Variants in HMX3 observed in about 807,000 individuals in gnomAD.
HMX3 encodes the protein H6 family homeobox 3.
In HMX3, 8 loss-of-function variants were observed where a neutral mutation model predicts 22.8. The ratio of observed to expected loss-of-function variants is 0.35; its 90% CI spans 0.21 to 0.63. HMX3 has a LOEUF of 0.63. HMX3 is among the 30% of genes least tolerant of loss of function. The pLI is 0.72. For synonymous variants in HMX3, 331 were observed against 250.9 expected, an observed-to-expected ratio of 1.32 and a Z score of -3.02; for missense variants, 527 against 520.6, an observed-to-expected ratio of 1.01 and a Z score of -0.12.
rs543178025 is a variant in HMX3, at chr10:123,137,810, C to G, written c.*79C>G. ...GGAGACTGGGCCGGGCCGAGGGCGCCGAGAAGTCCAGCGGCCTTCAGGAAC... is the reference window on the plus strand; with the variant it reads ...GGAGACTGGGCCGGGCCGAGGGCGCGGAGAAGTCCAGCGGCCTTCAGGAAC... On this transcript the variant is annotated 3_prime_UTR_variant, in exon 2 of 2. Coordinates refer to ENST00000357878, the MANE Select transcript of HMX3 (RefSeq NM_001105574.2). This position sits in a 1 kb window ranked among gnomAD's most constrained non-coding sequence, Gnocchi z 5.8. The G allele has an allele frequency of 5.8e-5, 67 of 1,149,216 alleles. 1 individual carries two copies. Among genetic ancestry groups the G allele is most frequent in the Non-Finnish European group, 7.3e-5 (63 of 862,370 alleles). The allele number at this position is 1,149,216 out of a possible 1,614,324, so 71.2% of individuals were successfully genotyped here. A position where few individuals can be genotyped will look rare whatever the true frequency, so the allele number is the denominator to read the frequency against.
At position 123,137,557 on chromosome 10, in the gene HMX3, G is replaced by T. The variant is rs765371717; in HGVS notation, c.900G>T (p.Ala300=). ...LEAANLSHAA[A]QRIVRVPILY... is the part of the protein sequence containing the mutation. ...CGGCCAACCTGAGCCATGCCGCGGCGCAGCGCATCGTGCGGGTGCCCATCC... is the reference window on the plus strand; with the variant it reads ...CGGCCAACCTGAGCCATGCCGCGGCTCAGCGCATCGTGCGGGTGCCCATCC... The change falls in exon 2 of 2, where the codon GCG becomes GCT. Residue 300 remains alanine, a synonymous_variant. Coordinates refer to ENST00000357878, the MANE Select transcript of HMX3 (RefSeq NM_001105574.2). This position sits in a 1 kb window ranked among gnomAD's most constrained non-coding sequence, Gnocchi z 5.8. The T allele has an allele frequency of 1.2e-6, 2 of 1,609,086 alleles. No homozygotes were observed. The highest frequency in any genetic ancestry group is 2.2e-5 in the East Asian group (1 of 44,818).
chr10:123,137,523 A>T lies in HMX3; in HGVS notation c.866A>T (p.Glu289Val). 6.2e-7 allele frequency: 1 copy of T among 1,612,162 alleles called. No individual in the cohort carries two copies. Among genetic ancestry groups the T allele is most frequent in the Non-Finnish European group, 8.5e-7 (1 of 1,179,786 alleles). Residue 289 changes from glutamate (E) to valine (V), a missense_variant, in exon 2 of 2, where the codon GAG (glutamate) becomes GTG (valine). Physicochemically the swap from Glu to Val is moderately radical, Grantham distance 121. Coordinates refer to ENST00000357878, the MANE Select transcript of HMX3 (RefSeq NM_001105574.2). The surrounding 1 kb of genome is among the most constrained non-coding windows in gnomAD (Gnocchi z 5.8). ...AAGTGGAAGCGGCAGCTGGCGGCGG[A>T]GCTGGAGGCGGCCAACCTGAGCCAT... ...RNKWKRQLAA[E>V]LEAANLSHAA...
chr10:123,137,634 C>T lies in HMX3; in HGVS notation c.977C>T (p.Ala326Val). Residue 326 changes from alanine (A) to valine (V), a missense_variant, in exon 2 of 2, where the codon GCC (alanine) becomes GTC (valine). Transcript: ENST00000357878. The surrounding 1 kb of genome is among the most constrained non-coding windows in gnomAD (Gnocchi z 5.8). Reference sequence around the variant, plus strand: ...GGCGCGGCGGCTGCAGCCGCGGGGGCCCCGGTGCCAGTCAGCCAGCCGCTG... The same window carrying T: ...GGCGCGGCGGCTGCAGCCGCGGGGGTCCCGGTGCCAGTCAGCCAGCCGCTG... ...AEGAAAAAAG[A>V]PVPVSQPLLT... The T allele has an allele frequency of 6.5e-7, 1 of 1,527,194 alleles. No individual in the cohort carries two copies. The allele number at this position is 1,527,194 out of a possible 1,614,324, so 94.6% of individuals were successfully genotyped here.
In HMX3 at chr10:123,136,116, C is replaced by A. The variant is rs752938497; in HGVS notation, c.66C>A (p.Pro22=). ...ASAQPQPPPP[P]PPAPKESPFS... Reference sequence around the variant, plus strand: ...CACAGCCCCAACCGCCGCCGCCCCCCCCACCCGCTCCCAAGGAGTCCCCGT... The same window carrying A: ...CACAGCCCCAACCGCCGCCGCCCCCACCACCCGCTCCCAAGGAGTCCCCGT... The change falls in exon 1 of 2, where the codon CCC becomes CCA. Residue 22 remains proline, a synonymous_variant. Transcript: ENST00000357878. The surrounding 1 kb of genome is among the most constrained non-coding windows in gnomAD (Gnocchi z 4.8). 28 of 1,376,026 alleles carry A rather than the reference C, an allele frequency of 2.0e-5. No homozygotes were observed. Among genetic ancestry groups the A allele is most frequent in the East Asian group, 1.2e-4 (4 of 32,844 alleles). The allele number at this position is 1,376,026 out of a possible 1,614,324, so 85.2% of individuals were successfully genotyped here. A position where few individuals can be genotyped will look rare whatever the true frequency, so the allele number is the denominator to read the frequency against.
rs762291045 is a variant in HMX3 at position 123,137,309 on chromosome 10, A to C, written c.652A>C (p.Ser218Arg). The C allele has an allele frequency of 5.6e-6, 9 of 1,607,422 alleles. No individual in the cohort carries two copies. Among genetic ancestry groups the C allele is most frequent in the Non-Finnish European group, 6.8e-6 (8 of 1,177,222 alleles). ...AGAAGACTGGAAGAAGGGCGCTGAA[A>C]GTCCAGAGAAGAAGCCGGCGTGCCG... ...GAEDWKKGAE[S>R]PEKKPACRKK... The change falls in exon 2 of 2, where the codon AGT becomes CGT. Residue 218 changes from serine (S) to arginine (R), a missense_variant. Transcript: ENST00000357878. This position sits in a 1 kb window ranked among gnomAD's most constrained non-coding sequence, Gnocchi z 5.8.
Position 123,136,028 on chromosome 10 carries a change from G to A in HMX3, c.-23G>A, listed in dbSNP as rs1209617504. On this transcript the variant is annotated 5_prime_UTR_variant, in exon 1 of 2. Coordinates refer to ENST00000357878, the MANE Select transcript of HMX3 (RefSeq NM_001105574.2). The surrounding 1 kb of genome is among the most constrained non-coding windows in gnomAD (Gnocchi z 4.8). ...CCGCCTGTCCCGCTCCCTCCCTCCCGGGGACCCGGAGGAGAGGGGACCATG... is the reference window on the plus strand; with the variant it reads ...CCGCCTGTCCCGCTCCCTCCCTCCCAGGGACCCGGAGGAGAGGGGACCATG... 1.5e-6 allele frequency: 2 copies of A among 1,314,528 alleles called. No individual in the cohort carries two copies. Among genetic ancestry groups the A allele is most frequent in the Admixed American group, 4.1e-5 (1 of 24,374 alleles). 81.4% of individuals were successfully genotyped at this position (1,314,528 alleles called of 1,614,324 possible).
chr10:123,136,435 C>A lies in HMX3; in HGVS notation c.385C>A (p.Leu129Ile), dbSNP rs769577822. 16 of 1,447,548 alleles carry A rather than the reference C, an allele frequency of 1.1e-5. No individual in the cohort carries two copies. The highest frequency in any genetic ancestry group is 2.4e-5 in the Admixed American group (1 of 41,654). 89.7% of individuals were successfully genotyped at this position (1,447,548 alleles called of 1,614,324 possible). The change falls in exon 1 of 2, where the codon CTC becomes ATC. Residue 129 changes from leucine to isoleucine, a missense_variant. By Grantham distance (5) the Leu-to-Ile change is conservative. This residue lies in a region of HMX3 where 386 missense variants were observed against 337.8 expected (regional missense o/e 1.14). Transcript: ENST00000357878. The surrounding 1 kb of genome is among the most constrained non-coding windows in gnomAD (Gnocchi z 4.8). ...CACCCTGACCCCCGCCGGCGGCCAC[C>A]TCCCGCGACCTGAAGGTACCGACCT... ...PYTLTPAGGH[L>I]PRPEASEKAL... is the part of the protein sequence containing the mutation.
At position 123,136,061 on chromosome 10, in the gene HMX3, C is replaced by T. The variant is rs2133548499; in HGVS notation, c.11C>T (p.Pro4Leu). Residue 4 changes from proline (P) to leucine (L), a missense_variant, in exon 1 of 2, where the codon CCC becomes CTC. Around this residue, in one of 3 missense-constraint regions of HMX3, gnomAD observed 386 missense variants for 337.8 expected, o/e 1.14. Transcript: ENST00000357878. The surrounding 1 kb of genome is among the most constrained non-coding windows in gnomAD (Gnocchi z 4.8). The stretch of plus-strand genomic sequence containing the variant: ...GGAGGAGAGGGGACCATGCCGGAAC[C>T]CGGGCCGGACGCTGCCGGCACCGCC... MPE[P>L]GPDAAGTASA... 1.4e-6 allele frequency: 2 copies of T among 1,395,158 alleles called. No individual in the cohort carries two copies. Among genetic ancestry groups the T allele is most frequent in the Admixed American group, 3.4e-5 (1 of 29,672 alleles). The allele number at this position is 1,395,158 out of a possible 1,614,324, so 86.4% of individuals were successfully genotyped here. A position where few individuals can be genotyped will look rare whatever the true frequency, so the allele number is the denominator to read the frequency against.
rs549760080 is a variant in HMX3 at position 123,136,527 on chromosome 10, A to T, written c.400+77A>T. 2 of 1,183,090 alleles carry T rather than the reference A, an allele frequency of 1.7e-6. No homozygotes were observed. Among genetic ancestry groups the T allele is most frequent in the Non-Finnish European group, 2.2e-6 (2 of 912,398 alleles). 73.3% of individuals were successfully genotyped at this position (1,183,090 alleles called of 1,614,324 possible). ...CCCGCCCCGCGCTGCTTCCCTCCGCAGTTCTGGGACCCCAGCACCCGCAAA... is the reference window on the plus strand; with the variant it reads ...CCCGCCCCGCGCTGCTTCCCTCCGCTGTTCTGGGACCCCAGCACCCGCAAA... On this transcript the variant is annotated intron_variant, in intron 1 of 1. Coordinates refer to ENST00000357878, the MANE Select transcript of HMX3 (RefSeq NM_001105574.2). This position sits in a 1 kb window ranked among gnomAD's most constrained non-coding sequence, Gnocchi z 4.8.
Position 123,137,640 on chromosome 10 carries a change from T to C in HMX3, c.983T>C (p.Val328Ala). ...GAAAAAAGAP[V>A]PVSQPLLTFP... ...GCGGCTGCAGCCGCGGGGGCCCCGG[T>C]GCCAGTCAGCCAGCCGCTGCTCACC... The change falls in exon 2 of 2, where the codon GTG becomes GCG. Residue 328 changes from valine (V) to alanine (A), a missense_variant. Physicochemically the swap from Val to Ala is moderately conservative, Grantham distance 64. This residue lies in a region of HMX3 where 100 missense variants were observed against 102.3 expected (regional missense o/e 0.98). Transcript: ENST00000357878. This position sits in a 1 kb window ranked among gnomAD's most constrained non-coding sequence, Gnocchi z 5.8. The C allele has an allele frequency of 1.3e-6, 2 of 1,520,828 alleles. No homozygotes were observed. Among genetic ancestry groups the C allele is most frequent in the Non-Finnish European group, 1.7e-6 (2 of 1,143,334 alleles). The allele number at this position is 1,520,828 out of a possible 1,614,324, so 94.2% of individuals were successfully genotyped here.
Position 123,136,083 on chromosome 10 carries a change from C to G in HMX3, c.33C>G (p.Thr11=), listed in dbSNP as rs1479088855. 7.1e-7 allele frequency: 1 copy of G among 1,402,922 alleles called. No individual in the cohort carries two copies. The highest frequency in any genetic ancestry group is 9.3e-7 in the Non-Finnish European group (1 of 1,077,484). The allele number at this position is 1,402,922 out of a possible 1,614,324, so 86.9% of individuals were successfully genotyped here. Residue 11 remains threonine, a synonymous_variant, in exon 1 of 2, where the codon ACC becomes ACG. Coordinates refer to ENST00000357878, the MANE Select transcript of HMX3 (RefSeq NM_001105574.2). The surrounding 1 kb of genome is among the most constrained non-coding windows in gnomAD (Gnocchi z 4.8). Reference sequence around the variant, plus strand: ...AACCCGGGCCGGACGCTGCCGGCACCGCCAGCGCACAGCCCCAACCGCCGC... The same window carrying G: ...AACCCGGGCCGGACGCTGCCGGCACGGCCAGCGCACAGCCCCAACCGCCGC... MPEPGPDAAG[T]ASAQPQPPPP... is the part of the protein sequence containing the mutation.
rs1431540663 is a variant in HMX3, at chr10:123,138,145, TG to T, written c.*415del. 1.3e-5 allele frequency among the ~76,000 whole-genome samples: 1 copy of T among 75,540 alleles called. No individual in the cohort carries two copies. The highest frequency in any genetic ancestry group is 3.8e-5 in the African/African-American group (1 of 26,466). The allele number at this position is 75,540 out of a possible 152,430, so 49.6% of individuals were successfully genotyped here. On this transcript the variant is annotated 3_prime_UTR_variant, in exon 2 of 2. Transcript: ENST00000357878. ...TAAATCCCTCTAGTTTATTCTTTTC[TG>T]CTTTTTTTTTTTTTTCCGAGACGGA...
In HMX3 at chr10:123,137,725, G is replaced by T. The variant is rs764149353; in HGVS notation, c.1068G>T (p.Pro356=). 6 of 1,438,326 alleles carry T rather than the reference G, an allele frequency of 4.2e-6. No homozygotes were observed. The Admixed American group carries it at 1.2e-4, about 28-fold the overall frequency. 89.1% of individuals were successfully genotyped at this position (1,438,326 alleles called of 1,614,324 possible). The change falls in exon 2 of 2, where the codon CCG becomes CCT. Residue 356 remains proline (P), a synonymous_variant. Transcript: ENST00000357878. The surrounding 1 kb of genome is among the most constrained non-coding windows in gnomAD (Gnocchi z 5.8). ...TCTCTTCCGTGCCGCTGCTACGGCC[G>T]GTCTGAGGCCCCAGAGGGGTGGGGG... ...PVVSSVPLLR[P]V is the part of the protein sequence containing the mutation.
In HMX3 at chr10:123,136,242, C is replaced by A. The variant is rs558356019; in HGVS notation, c.192C>A (p.Ala64=). The A allele has an allele frequency of 1.0e-3, 1,389 of 1,341,150 alleles. 19 individuals are homozygous for A. In the Admixed American group the frequency reaches 0.032, roughly 31 times the overall value. 83.1% of individuals were successfully genotyped at this position (1,341,150 alleles called of 1,614,324 possible). Residue 64 remains alanine (A), a synonymous_variant, in exon 1 of 2, where the codon GCC becomes GCA. Transcript: ENST00000357878. This position sits in a 1 kb window ranked among gnomAD's most constrained non-coding sequence, Gnocchi z 4.8. The part of the protein sequence containing the change: ...TLFAPASAAA[A]AAAAAAAAAK... ...TCGCGCCAGCCTCGGCTGCCGCCGC[C>A]GCCGCCGCTGCCGCTGCCGCGGCGG... is the stretch of plus-strand genomic sequence containing the variant.
In HMX3 at chr10:123,137,694, C is replaced by A. The variant is rs777077260; in HGVS notation, c.1037C>A (p.Pro346Gln). The change falls in exon 2 of 2, where the codon CCG becomes CAG. Residue 346 changes from proline to glutamine, a missense_variant. Around this residue, in one of 3 missense-constraint regions of HMX3, gnomAD observed 100 missense variants for 102.3 expected, o/e 0.98. Transcript: ENST00000357878. This position sits in a 1 kb window ranked among gnomAD's most constrained non-coding sequence, Gnocchi z 5.8. ...TFPHPVYYSH[P>Q]VVSSVPLLRP... is the part of the protein sequence containing the mutation. ...CCGCACCCCGTCTACTACTCGCACCCGGTGGTCTCTTCCGTGCCGCTGCTA... is the reference window on the plus strand; with the variant it reads ...CCGCACCCCGTCTACTACTCGCACCAGGTGGTCTCTTCCGTGCCGCTGCTA... 8.8e-6 allele frequency: 13 copies of A among 1,469,276 alleles called. No individual in the cohort carries two copies. The East Asian group carries it at 2.9e-4, about 33-fold the overall frequency. 91.0% of individuals were successfully genotyped at this position (1,469,276 alleles called of 1,614,324 possible). A position where few individuals can be genotyped will look rare whatever the true frequency, so the allele number is the denominator to read the frequency against.
chr10:123,136,407 C>A lies in HMX3; in HGVS notation c.357C>A (p.Pro119=). ...YLERSPAWWY[P]YTLTPAGGHL... Reference sequence around the variant, plus strand: ...AGCGCTCCCCAGCCTGGTGGTACCCCTACACCCTGACCCCCGCCGGCGGCC... The same window carrying A: ...AGCGCTCCCCAGCCTGGTGGTACCCATACACCCTGACCCCCGCCGGCGGCC... The change falls in exon 1 of 2, where the codon CCC becomes CCA. Residue 119 remains proline (P), a synonymous_variant. Coordinates refer to ENST00000357878, the MANE Select transcript of HMX3 (RefSeq NM_001105574.2). This position sits in a 1 kb window ranked among gnomAD's most constrained non-coding sequence, Gnocchi z 4.8. 1.3e-6 allele frequency: 2 copies of A among 1,546,468 alleles called. No homozygotes were observed. Among genetic ancestry groups the A allele is most frequent in the East Asian group, 2.6e-5 (1 of 38,778 alleles).
At position 123,136,607 on chromosome 10, in the gene HMX3, G is replaced by C. The variant is rs1368003615; in HGVS notation, c.400+157G>C. Among the ~76,000 whole-genome samples, 1 of 152,146 alleles carries C rather than the reference G, an allele frequency of 6.6e-6. No individual in the cohort carries two copies. The highest frequency in any genetic ancestry group is 1.5e-5 in the Non-Finnish European group (1 of 68,020). The stretch of plus-strand genomic sequence containing the variant: ...CTAGCCTGCCCTCGCGCTGGGTTGC[G>C]CTGCCCGTTAATCCAATCCCACTTG... On this transcript the variant is annotated intron_variant, in intron 1 of 1. Coordinates refer to ENST00000357878, the MANE Select transcript of HMX3 (RefSeq NM_001105574.2). The surrounding 1 kb of genome is among the most constrained non-coding windows in gnomAD (Gnocchi z 4.8).
Position 123,137,770 on chromosome 10 carries a change from T to C in HMX3, c.*39T>C. 2 of 1,377,164 alleles carry C rather than the reference T, an allele frequency of 1.5e-6. No individual in the cohort carries two copies. The highest frequency in any genetic ancestry group is 1.9e-6 in the Non-Finnish European group (2 of 1,058,764). 85.3% of individuals were successfully genotyped at this position (1,377,164 alleles called of 1,614,324 possible). A position where few individuals can be genotyped will look rare whatever the true frequency, so the allele number is the denominator to read the frequency against. On this transcript the variant is annotated 3_prime_UTR_variant, in exon 2 of 2. Transcript: ENST00000357878. This position sits in a 1 kb window ranked among gnomAD's most constrained non-coding sequence, Gnocchi z 5.8. ...TGGGGGAGGGAGCGCCCGGCCTCCT[T>C]GTCCGGACCCCGGAGGAGACTGGGC...
Position 123,137,551 on chromosome 10 carries a change from C to G in HMX3, c.894C>G (p.Ala298=). ...AELEAANLSH[A]AAQRIVRVPI... ...TGGAGGCGGCCAACCTGAGCCATGC[C>G]GCGGCGCAGCGCATCGTGCGGGTGC... The change falls in exon 2 of 2, where the codon GCC becomes GCG. Residue 298 remains alanine (A), a synonymous_variant. Coordinates refer to ENST00000357878, the MANE Select transcript of HMX3 (RefSeq NM_001105574.2). The surrounding 1 kb of genome is among the most constrained non-coding windows in gnomAD (Gnocchi z 5.8). 2 of 1,609,854 alleles carry G rather than the reference C, an allele frequency of 1.2e-6. No individual in the cohort carries two copies. Among genetic ancestry groups the G allele is most frequent in the Non-Finnish European group, 1.7e-6 (2 of 1,179,156 alleles).
Sources: gnomAD v4.1 joint callset for allele counts (sites outside exome capture counted in the v4.1 genomes callset) on GRCh38, gnomAD v4.1.1 for gene constraint, gnomAD v4.1.1 regional missense constraint, Gnocchi (gnomAD v3.1) non-coding constraint, MANE v1.5 for transcripts, NCBI Gene and HGNC (gene_info 2026-07-23, HGNC 2026-07-21) for gene names.